Variants in TNS1 observed in about 807,000 individuals in gnomAD.
TNS1 encodes the protein tensin 1, also known as tensin-1.
TNS1 carries 62 observed loss-of-function variants against 168.6 expected under a neutral mutation model. The observed-to-expected ratio is 0.37, with a 90% CI of 0.30 to 0.45. TNS1 has a LOEUF of 0.45. Ranked by LOEUF, TNS1 falls within the 20% of genes least tolerant of loss-of-function variation. The probability of loss-of-function intolerance (pLI) is 1.00; values close to 1 mark genes in which losing one functional copy is unlikely to be tolerated. For synonymous variants in TNS1, 934 were observed against 933.2 expected (o/e 1.00, Z -0.02); for missense variants, 2,240 against 2,339.4 (o/e 0.96, Z 0.88).
chr2:217,971,362 C>T (rs2126029232), intron 3 of TNS1, among the ~76,000 whole-genome samples: 1 of 152,360 alleles, frequency 6.6e-6, no homozygotes, highest in South Asian at 2.1e-4. Context: ...TTTCACTCAG[C>T]ATGACGTTTT....
At chr2:217,884,618 C>T (rs1951018595) in intron 16 of TNS1, among the ~76,000 whole-genome samples, 2 of 152,000 alleles carry the variant, frequency 1.3e-5, no homozygotes, top group Admixed American at 6.6e-5. Context: ...TGAGCTCCAC[C>T]AAGGCAGAGA....
intron 9 of TNS1, among the ~76,000 whole-genome samples, chr2:217,893,882 C>T (rs1176243308): frequency 6.6e-6 from 1 of 152,224 alleles, no homozygotes; most frequent in Non-Finnish European, 1.5e-5. Flanking sequence ...AAAAGAAAGG[C>T]TTGGAGCTGA....
intron 25 of TNS1, among the ~76,000 whole-genome samples, chr2:217,814,707 C>G (rs1227133816): frequency 2.0e-5 from 3 of 152,318 alleles, no homozygotes; most frequent in African/African-American, 7.2e-5. Context: ...AGAACCCTTC[C>G]AAGAGGTGTC....
chr2:217,978,649 G>C (rs1282096495), intron 3 of TNS1, 116 bp downstream of exon 3: 3 of 584,044 alleles, frequency 5.1e-6, no homozygotes, highest in Non-Finnish European at 9.3e-6. Context: ...AACAAAGAGA[G>C]GAGGAGGGAC....
At chr2:217,901,626 AC>A (rs1268925814) in intron 6 of TNS1, 2 of 152,166 alleles carry the variant, frequency 1.3e-5, no homozygotes, top group East Asian at 3.9e-4. Flanking sequence ...GTCTTTTCCT[AC>A]CGCCAAGTTG....
At chr2:217,859,335 A>G in intron 18 of TNS1, 1 of 390,594 alleles carries the variant, frequency 2.6e-6, no homozygotes, top group Non-Finnish European at 4.5e-6. Flanking sequence ...GCTGAACAAT[A>G]AGGTGGAAAT....
intron 22 of TNS1, among the ~76,000 whole-genome samples, chr2:217,825,585 C>A (rs1307091151): frequency 1.3e-5 from 2 of 152,182 alleles, no homozygotes; most frequent in African/African-American, 4.8e-5. Flanking sequence ...TAAAGAAGTA[C>A]AGGTACCCCT....
intron 15 of TNS1, 109 bp downstream of exon 15, chr2:217,885,635 G>A: frequency 8.7e-7 from 1 of 1,152,604 alleles, no homozygotes; most frequent in Non-Finnish European, 1.3e-6. Flanking sequence ...TTCCAAGCCT[G>A]GCAGCCCAGG....
intron 3 of TNS1, among the ~76,000 whole-genome samples, chr2:217,953,892 T>A (rs1191141065): frequency 6.6e-6 from 1 of 152,226 alleles, no homozygotes; most frequent in Non-Finnish European, 1.5e-5. Context: ...AGACACCAGG[T>A]GGCCAGCTGT....
chr2:217,922,933 T>C (rs1233534455), intron 3 of TNS1, among the ~76,000 whole-genome samples: 1 of 151,902 alleles, frequency 6.6e-6, no homozygotes, highest in African/African-American at 2.4e-5. Context: ...GTTTCTTGTC[T>C]CTCTCTTTTT....
At chr2:217,846,640 A>G (rs1946684337) in intron 19 of TNS1, among the ~76,000 whole-genome samples, 1 of 152,212 alleles carries the variant, frequency 6.6e-6, no homozygotes, top group African/African-American at 2.4e-5. Flanking sequence ...TGCCAAGTTC[A>G]GCCACCCTTG....
intron 13 of TNS1, 111 bp downstream of exon 13, chr2:217,886,423 C>T: frequency 1.2e-6 from 1 of 864,464 alleles, no homozygotes; most frequent in Non-Finnish European, 1.9e-6. Flanking sequence ...GGCCTTATGA[C>T]TCTGCAGCTC....
chr2:217,839,195 G>A (rs2125353665), intron 19 of TNS1, among the ~76,000 whole-genome samples: 1 of 152,296 alleles, frequency 6.6e-6, no homozygotes, highest in South Asian at 2.1e-4. Flanking sequence ...AGGAGGCCGT[G>A]TGGCCAGAGG....
intron 19 of TNS1, 30 bp from the exon 20 acceptor site, chr2:217,836,241 T>C: frequency 1.9e-6 from 3 of 1,576,918 alleles, no homozygotes; most frequent in Non-Finnish European, 2.6e-6. Context: ...TAGAGGACAA[T>C]GAGCATTTTT....
chr2:217,812,301 A>G, intron 28 of TNS1, 67 bp downstream of exon 28: 2 of 1,398,076 alleles, frequency 1.4e-6, no homozygotes, highest in East Asian at 2.3e-5. Flanking sequence ...AGTGGCTGGC[A>G]GGATCAAGAC....
intron 3 of TNS1, among the ~76,000 whole-genome samples, chr2:217,965,656 C>T (rs1957607461): frequency 6.6e-6 from 1 of 152,146 alleles, no homozygotes; most frequent in Non-Finnish European, 1.5e-5. Context: ...CAAGGTGGAG[C>T]CCCAGGAGGC....
At chr2:217,974,154 G>T (rs1290471351) in intron 3 of TNS1, among the ~76,000 whole-genome samples, 1 of 152,180 alleles carries the variant, frequency 6.6e-6, no homozygotes, top group East Asian at 1.9e-4. Context: ...GGAACATAAG[G>T]GTTGCTTTTT....
chr2:217,928,792 C>G (rs1409257206), intron 3 of TNS1, among the ~76,000 whole-genome samples: 1 of 152,156 alleles, frequency 6.6e-6, no homozygotes, highest in Non-Finnish European at 1.5e-5. Context: ...ATTTCCTCTT[C>G]TTGTCTCAGG....
intron 18 of TNS1, among the ~76,000 whole-genome samples, chr2:217,877,427 G>C (rs1207105807): frequency 6.6e-6 from 1 of 152,208 alleles, no homozygotes; most frequent in Admixed American, 6.5e-5. Flanking sequence ...GCTAACCTCT[G>C]CCTACTTCTG....
Sources: gnomAD v4.1 joint callset for allele counts (sites outside exome capture counted in the v4.1 genomes callset) on GRCh38, gnomAD v4.1.1 for gene constraint, MANE v1.5 for transcripts, NCBI Gene and HGNC (gene_info 2026-07-23, HGNC 2026-07-21) for gene names.